TXNRD1: variants seen among roughly 807,000 people sequenced by gnomAD.
TXNRD1 encodes the protein thioredoxin reductase 1, cytoplasmic.
Under a neutral mutation model 80.3 loss-of-function variants are expected in TXNRD1, and 57 were observed. The observed-to-expected ratio is 0.71, with a 90% confidence interval of 0.57 to 0.89. The LOEUF is 0.89. Among genes scored for constraint, TXNRD1 ranks in the 40% least tolerant of loss-of-function variants. The probability of loss-of-function intolerance (pLI) is 0.00; values close to 1 mark genes in which losing one functional copy is unlikely to be tolerated. For missense variants in TXNRD1, 730 were observed against 803.0 expected, an observed-to-expected ratio of 0.91 and a Z score of 1.10; for synonymous variants, 291 against 285.2, an observed-to-expected ratio of 1.02 and a Z score of -0.20.
intron 1 of TXNRD1, among the ~76,000 whole-genome samples, chr12:104,229,040 A>G (rs1476232945): frequency 1.3e-5 from 2 of 152,030 alleles, no homozygotes; most frequent in Non-Finnish European, 2.9e-5. Flanking sequence ...CATTACTCCA[A>G]AAAGAAACCC....
intron 10 of TXNRD1, 89 bp downstream of exon 10, chr12:104,321,405 A>G (rs904988018): frequency 7.7e-6 from 8 of 1,035,238 alleles, no homozygotes; most frequent in Non-Finnish European, 1.2e-5. Flanking sequence ...GCATCCTTTC[A>G]GCATTATAAA....
chr12:104,216,053 C>T (rs534600474), intron 1 of TXNRD1, among the ~76,000 whole-genome samples, 160 bp downstream of exon 1: 1 of 152,334 alleles, frequency 6.6e-6, no homozygotes, highest in African/African-American at 2.4e-5. Flanking sequence ...AAACGCTCCC[C>T]CAGGTCACCC....
chr12:104,301,667 A>C (rs922118862), intron 4 of TXNRD1, among the ~76,000 whole-genome samples: 3 of 152,170 alleles, frequency 2.0e-5, no homozygotes, highest in African/African-American at 7.2e-5. Context: ...GGATGTGAGA[A>C]GCTCCTAAGA....
intron 14 of TXNRD1, chr12:104,334,017 A>C: frequency 3.3e-6 from 1 of 300,774 alleles, no homozygotes; most frequent in Non-Finnish European, 6.1e-6. Context: ...ATTTTGAGGT[A>C]GAGATATACA....
intron 1 of TXNRD1, among the ~76,000 whole-genome samples, chr12:104,241,796 C>T (rs1313783564): frequency 6.6e-6 from 1 of 152,090 alleles, no homozygotes; most frequent in East Asian, 1.9e-4. Context: ...CTTCCTCAGC[C>T]TCCCTGTTGG....
rs769543323 is a variant in TXNRD1, at chr12:104,304,470, G to T, written c.415-6820G>T. The T allele has an allele frequency of 6.2e-7, 1 of 1,613,978 alleles. No individual in the cohort carries two copies. The highest frequency in any genetic ancestry group is 8.5e-7 in the Non-Finnish European group (1 of 1,179,896). ...GTTTTTGGTTCATTCAAGCTAGAAC[G>T]TTCTGCACCAAAGCCCCGACTTGAA... On this transcript the variant is annotated intron_variant, in intron 4 of 16. Transcript: ENST00000525566.
In TXNRD1 at chr12:104,331,652, T is replaced by C. The variant is rs1287123689; in HGVS notation, c.1650+11T>C. On this transcript the variant is annotated intron_variant, in intron 14 of 16. Transcript: ENST00000525566. ...GAAGAAAATATTGAGGTAAGTTCTTTTCCTCTTTTCTCCTATGTTATATCA... is the reference window on the plus strand; with the variant it reads ...GAAGAAAATATTGAGGTAAGTTCTTCTCCTCTTTTCTCCTATGTTATATCA... 6.4e-7 allele frequency: 1 copy of C among 1,557,404 alleles called. No homozygotes were observed. Among genetic ancestry groups the C allele is most frequent in the Admixed American group, 1.7e-5 (1 of 58,650 alleles).
intron 3 of TXNRD1, chr12:104,265,375 C>T: frequency 6.2e-7 from 1 of 1,608,108 alleles, no homozygotes; most frequent in Non-Finnish European, 8.5e-7. Flanking sequence ...CCCCAAATGC[C>T]ACACGCCGCC....
chr12:104,299,595 T>C (rs1186231860), intron 4 of TXNRD1, among the ~76,000 whole-genome samples: 2 of 151,820 alleles, frequency 1.3e-5, no homozygotes, highest in Admixed American at 6.6e-5. Context: ...GCTGAAACCC[T>C]GTCTCTACTA....
chr12:104,272,378 T>C (rs2033669127), intron 3 of TXNRD1, among the ~76,000 whole-genome samples: 1 of 151,946 alleles, frequency 6.6e-6, no homozygotes. Context: ...GAGCAGGTAA[T>C]CGGAATGAGT....
At chr12:104,266,971 TAAATA>T (rs935892793) in intron 3 of TXNRD1, among the ~76,000 whole-genome samples, 7 of 136,482 alleles carry the variant, frequency 5.1e-5, no homozygotes, top group East Asian at 2.2e-4. Flanking sequence ...CAAAAATAAA[TAAATA>T]AAATAAAATA....
At chr12:104,243,229 A>C (rs2032912263) in intron 1 of TXNRD1, among the ~76,000 whole-genome samples, 1 of 152,206 alleles carries the variant, frequency 6.6e-6, no homozygotes, top group Non-Finnish European at 1.5e-5. Flanking sequence ...TAATTTCAAC[A>C]CTAGAAATTC....
intron 3 of TXNRD1, among the ~76,000 whole-genome samples, chr12:104,269,086 G>A (rs2033598346): frequency 6.6e-6 from 1 of 151,336 alleles, no homozygotes; most frequent in Non-Finnish European, 1.5e-5. Flanking sequence ...TGTATTTTTA[G>A]TAGAGATGGG....
chr12:104,248,074 T>C (rs978770868), intron 1 of TXNRD1, among the ~76,000 whole-genome samples: 2 of 152,094 alleles, frequency 1.3e-5, no homozygotes, highest in Admixed American at 1.3e-4. Context: ...ATAAGAAAAA[T>C]GGAGAACAGA....
At chr12:104,304,673 A>G (rs2135787935) in intron 4 of TXNRD1, 2 of 1,613,934 alleles carry the variant, frequency 1.2e-6, no homozygotes, top group South Asian at 1.1e-5. Context: ...TGAGTTTGTG[A>G]TTGATCCAAA....
intron 1 of TXNRD1, among the ~76,000 whole-genome samples, chr12:104,245,517 CAAAAAAAA>C (rs10622971): frequency 0.13 from 3,834 of 29,258 alleles, 251 homozygotes; most frequent in South Asian, 0.35. Context: ...AACTCCATCT[CAAAAAAAA>C]AAAAAAAAAA....
At chr12:104,229,144 C>CTT (rs56077479) in intron 1 of TXNRD1, among the ~76,000 whole-genome samples, 18 of 106,064 alleles carry the variant, frequency 1.7e-4, no homozygotes, top group Admixed American at 2.1e-4. Flanking sequence ...CATTACTTTT[C>CTT]TTTTTTTTTT....
At chr12:104,339,567 A>G (rs11111999) in intron 16 of TXNRD1, 98,327 of 448,574 alleles carry the variant, frequency 0.22, 11,635 homozygotes, top group Middle Eastern at 0.27. Context: ...ATCAGTTAAT[A>G]ATGGAAGAGC....
intron 7 of TXNRD1, among the ~76,000 whole-genome samples, chr12:104,317,147 A>T (rs1185154283): frequency 2.6e-5 from 4 of 152,158 alleles, no homozygotes; most frequent in African/African-American, 9.7e-5. Context: ...AAATTTTGTA[A>T]AACATTGATA....
Sources: gnomAD v4.1 joint callset for allele counts (sites outside exome capture counted in the v4.1 genomes callset) on GRCh38, gnomAD v4.1.1 for gene constraint, MANE v1.5 for transcripts, NCBI Gene and HGNC (gene_info 2026-07-23, HGNC 2026-07-21) for gene names.